Variants in ADCY2 observed in about 807,000 individuals in gnomAD.
The protein encoded by ADCY2 is adenylate cyclase 2.
In ADCY2, 31 loss-of-function variants were observed where a neutral mutation model predicts 125.2. The ratio of observed to expected loss-of-function variants is 0.25; its 90% CI spans 0.19 to 0.33. ADCY2 has a LOEUF of 0.33. ADCY2 is among the 10% of genes least tolerant of loss of function. The pLI is 1.00. For synonymous variants in ADCY2, 512 were observed against 548.4 expected (o/e 0.93, Z 0.93); for missense variants, 904 against 1,418.2 (o/e 0.64, Z 5.82).
At chr5:7,527,848 A>C (rs1734526066) in intron 3 of ADCY2, among the ~76,000 whole-genome samples, 1 of 152,196 alleles carries the variant, frequency 6.6e-6, no homozygotes, top group Non-Finnish European at 1.5e-5. Flanking sequence ...ATTAAATTGC[A>C]TTTAGGATCT....
In ADCY2 at chr5:7,702,142, A is replaced by G. The variant is rs1273766953; in HGVS notation, c.1109+3768A>G. Among the ~76,000 whole-genome samples the G allele has an allele frequency of 2.0e-5, 3 of 151,986 alleles. No homozygotes were observed. The East Asian group carries it at 5.8e-4, about 29-fold the overall frequency. On this transcript the variant is annotated intron_variant, in intron 7 of 24. Transcript: ENST00000338316. The stretch of plus-strand genomic sequence containing the variant: ...CATGGTGGCTCATGCCTGTAATCCC[A>G]GAGCTTTGGGAGGCCGAGGTGGACT...
chr5:7,781,817 CT>C (rs1369045516), intron 18 of ADCY2, among the ~76,000 whole-genome samples: 1 of 152,196 alleles, frequency 6.6e-6, no homozygotes, highest in Non-Finnish European at 1.5e-5. Context: ...CATGCCCCTC[CT>C]TCTCACCACC....
At chr5:7,562,118 G>GAT (rs930465095) in intron 3 of ADCY2, among the ~76,000 whole-genome samples, 10 of 151,776 alleles carry the variant, frequency 6.6e-5, no homozygotes, top group East Asian at 3.9e-4. Flanking sequence ...AATTATTGTT[G>GAT]ATATATATAT....
At chr5:7,472,842 T>C (rs1259828888) in intron 2 of ADCY2, among the ~76,000 whole-genome samples, 1 of 152,144 alleles carries the variant, frequency 6.6e-6, no homozygotes, top group East Asian at 1.9e-4. Flanking sequence ...GTTATACTGG[T>C]TCCTGCTCCA....
chr5:7,705,334 C>T (rs1042006534), intron 7 of ADCY2, among the ~76,000 whole-genome samples: 4 of 152,176 alleles, frequency 2.6e-5, no homozygotes, highest in Non-Finnish European at 5.9e-5. Flanking sequence ...TGCTGAGGGC[C>T]GAGATGGAGA....
intron 4 of ADCY2, among the ~76,000 whole-genome samples, chr5:7,645,250 A>C (rs886174372): frequency 6.6e-6 from 1 of 152,210 alleles, no homozygotes; most frequent in Non-Finnish European, 1.5e-5. Context: ...GCCTAAAGAA[A>C]GTCCATGGGA....
chr5:7,609,580 G>A (rs1037905357), intron 3 of ADCY2, among the ~76,000 whole-genome samples: 13 of 152,130 alleles, frequency 8.5e-5, no homozygotes, highest in African/African-American at 2.9e-4. Context: ...GTTCTATATG[G>A]ATTACCCAAT....
rs141429203 is a variant in ADCY2, at chr5:7,443,791, C to T, written c.408+29021C>T. Reference sequence around the variant, plus strand: ...AGATTTTTTTGTTGCTGTCTCCATTCTAAGGATGCATTTCACGAAATACAT... The same window carrying T: ...AGATTTTTTTGTTGCTGTCTCCATTTTAAGGATGCATTTCACGAAATACAT... On this transcript the variant is annotated intron_variant, in intron 2 of 24. Transcript: ENST00000338316. 3.3e-5 allele frequency among the ~76,000 whole-genome samples: 5 copies of T among 151,648 alleles called. No individual in the cohort carries two copies. In the East Asian group the frequency reaches 9.7e-4, roughly 30 times the overall value.
At chr5:7,718,253 G>A (rs935897419) in intron 12 of ADCY2, among the ~76,000 whole-genome samples, 9 of 148,498 alleles carry the variant, frequency 6.1e-5, no homozygotes, top group African/African-American at 2.0e-4. Flanking sequence ...GGTTCACGCC[G>A]TTCTCCTGCC....
At chr5:7,564,676 A>G (rs1735831988) in intron 3 of ADCY2, among the ~76,000 whole-genome samples, 1 of 152,108 alleles carries the variant, frequency 6.6e-6, no homozygotes, top group Non-Finnish European at 1.5e-5. Flanking sequence ...TTTTTCCTGC[A>G]CCTGAAATGC....
chr5:7,587,833 G>T (rs1736682633), intron 3 of ADCY2, among the ~76,000 whole-genome samples: 1 of 152,210 alleles, frequency 6.6e-6, no homozygotes. Context: ...AACGTTGAGA[G>T]AATCGGTTGA....
In ADCY2 at chr5:7,396,257, G is replaced by A; in HGVS notation, c.-40G>A. The A allele has an allele frequency of 1.9e-6, 2 of 1,032,390 alleles. No homozygotes were observed. The highest frequency in any genetic ancestry group is 2.3e-6 in the Non-Finnish European group (2 of 858,366). The allele number at this position is 1,032,390 out of a possible 1,614,324, so 64.0% of individuals were successfully genotyped here. Reference sequence around the variant, plus strand: ...GCGGCCGCGGCGAGCGGCGCTGCCCGGGCCGGGCGCGCACGGCGGGCGCCC... The same window carrying A: ...GCGGCCGCGGCGAGCGGCGCTGCCCAGGCCGGGCGCGCACGGCGGGCGCCC... On this transcript the variant is annotated 5_prime_UTR_variant, in exon 1 of 25. Transcript: ENST00000338316. This position sits in a 1 kb window ranked among gnomAD's most constrained non-coding sequence, Gnocchi z 5.7.
At position 7,802,356 on chromosome 5, in the gene ADCY2, T is replaced by G; in HGVS notation, c.2767T>G (p.Phe923Val). The G allele has an allele frequency of 6.2e-7, 1 of 1,614,128 alleles. No homozygotes were observed. The highest frequency in any genetic ancestry group is 1.7e-5 in the Admixed American group (1 of 60,016). Reference protein sequence around the residue: ...LRLLNEIIADFDDLLSKPKFS... With the variant: ...LRLLNEIIADVDDLLSKPKFS... ...GCTCCTGAACGAGATCATCGCTGAC[T>G]TTGATGATGTAGGTACTGAGAGTTG... The change falls in exon 21 of 25, where the codon TTT becomes GTT. Residue 923 changes from phenylalanine to valine, a missense_variant. Physicochemically the swap from Phe to Val is conservative, Grantham distance 50 (BLOSUM62 -1). Transcript: ENST00000338316. This position sits in a 1 kb window ranked among gnomAD's most constrained non-coding sequence, Gnocchi z 4.6.
At chr5:7,565,480 G>A (rs1330616691) in intron 3 of ADCY2, among the ~76,000 whole-genome samples, 1 of 152,018 alleles carries the variant, frequency 6.6e-6, no homozygotes, top group Non-Finnish European at 1.5e-5. Context: ...ATGAAGCCTC[G>A]GTAAACACTA....
chr5:7,688,057 A>G (rs1367107077), intron 4 of ADCY2, among the ~76,000 whole-genome samples: 3 of 151,784 alleles, frequency 2.0e-5, no homozygotes. Context: ...ATTTCCAAAT[A>G]GATAGCCTAG....
chr5:7,559,877 C>T (rs1353683127), intron 3 of ADCY2, among the ~76,000 whole-genome samples: 1 of 152,110 alleles, frequency 6.6e-6, no homozygotes, highest in Non-Finnish European at 1.5e-5. Flanking sequence ...AAATTTGGAG[C>T]AGAAATGGCA....
In ADCY2 at chr5:7,802,871, T is replaced by C. The variant is rs1744642624; in HGVS notation, c.2775+507T>C. 6.6e-6 allele frequency among the ~76,000 whole-genome samples: 1 copy of C among 152,200 alleles called. No individual in the cohort carries two copies. The highest frequency in any genetic ancestry group is 1.5e-5 in the Non-Finnish European group (1 of 68,042). On this transcript the variant is annotated intron_variant, in intron 21 of 24. Transcript: ENST00000338316. This position sits in a 1 kb window ranked among gnomAD's most constrained non-coding sequence, Gnocchi z 4.6. ...TAGAATTTGAAATAGATGTTATTTT[T>C]CAACTTTCTACATAGAGAATAGTGT...
intron 14 of ADCY2, among the ~76,000 whole-genome samples, chr5:7,737,857 A>C (rs540991729): frequency 6.6e-6 from 1 of 152,368 alleles, no homozygotes; most frequent in African/African-American, 2.4e-5. Context: ...CCTTCTTATC[A>C]GAAATGATGG....
intron 4 of ADCY2, among the ~76,000 whole-genome samples, chr5:7,668,738 G>T (rs1482425536): frequency 2.0e-5 from 3 of 152,166 alleles, no homozygotes; most frequent in African/African-American, 7.2e-5. Context: ...TCAGACAAAG[G>T]TTTTCTTGTC....
Sources: allele counts gnomAD v4.1 joint callset (sites outside exome capture counted in the v4.1 genomes callset), GRCh38; gene constraint gnomAD v4.1.1; non-coding constraint Gnocchi (gnomAD v3.1); transcripts MANE v1.5; gene names NCBI Gene and HGNC (gene_info 2026-07-23, HGNC 2026-07-21).